KAT6A: variants seen among roughly 807,000 people sequenced by gnomAD.
The protein encoded by KAT6A is histone acetyltransferase KAT6A.
In KAT6A, 9 loss-of-function variants were observed where a neutral mutation model predicts 198.4. The observed-to-expected ratio is 0.05, with a 90% CI of 0.03 to 0.08. The LOEUF (loss-of-function observed/expected upper bound fraction) is 0.08. KAT6A is among the 10% of genes least tolerant of loss of function. KAT6A has a pLI of 1.00. For synonymous variants in KAT6A, 890 were observed against 883.0 expected (o/e 1.01, Z -0.14); for missense variants, 2,077 against 2,509.9 (o/e 0.83, Z 3.69).
chr8:42,031,046 G>GA (rs1417690183), intron 2 of KAT6A, among the ~76,000 whole-genome samples: 1 of 131,532 alleles, frequency 7.6e-6, no homozygotes, highest in Non-Finnish European at 1.6e-5. Flanking sequence ...AAAGGGGGGG[G>GA]GGACAGGAGA....
chr8:41,941,046 C>T lies in KAT6A; in HGVS notation c.2835G>A (p.Glu945=), dbSNP rs752022353. ...TTTTCTTGAGCTGTCCTCGCCAGGG[C>T]TCAACCCCCTCACTGAGTCTTCTCT... The part of the protein sequence containing the change: ...LPKRRLSEGV[E]PWRGQLKKSP... The change falls in exon 15 of 17, where the codon GAG becomes GAA. Residue 945 remains glutamate, a synonymous_variant. Transcript: ENST00000265713. The T allele has an allele frequency of 3.1e-6, 5 of 1,614,188 alleles. No homozygotes were observed. Among genetic ancestry groups the T allele is most frequent in the Middle Eastern group, 1.6e-4 (1 of 6,062 alleles).
Position 41,933,193 on chromosome 8 carries a change from T to G in KAT6A, c.5027A>C (p.Gln1676Pro), listed in dbSNP as rs1169193672. ...PQPAPQPPPPQQQPQQQPQPQ... is the reference protein window; with the variant it reads ...PQPAPQPPPPPQQPQQQPQPQ... Reference sequence around the variant, plus strand: ...CTGCGGCTGCTGTTGCGGCTGCTGCTGGGGTGGTGGAGGCTGTGGTGCTGG... The same window carrying G: ...CTGCGGCTGCTGTTGCGGCTGCTGCGGGGGTGGTGGAGGCTGTGGTGCTGG... The change falls in exon 17 of 17, where the codon CAG (glutamine) becomes CCG (proline). Residue 1676 changes from glutamine to proline, a missense_variant. Transcript: ENST00000265713. This position sits in a 1 kb window ranked among gnomAD's most constrained non-coding sequence, Gnocchi z 6.2. The G allele has an allele frequency of 6.3e-7, 1 of 1,584,552 alleles. No homozygotes were observed. Among genetic ancestry groups the G allele is most frequent in the Non-Finnish European group, 8.6e-7 (1 of 1,168,468 alleles).
chr8:41,977,516 C>T (rs1824121420), intron 6 of KAT6A, 189 bp from the exon 7 acceptor site: 2 of 478,636 alleles, frequency 4.2e-6, no homozygotes, highest in African/African-American at 3.9e-5. Flanking sequence ...ACATCTATTG[C>T]CAGGAAGCCT....
At position 42,048,741 on chromosome 8, in the gene KAT6A, T is replaced by C; in HGVS notation, c.237A>G (p.Arg79=). ...NSYKDPDNPG[R]IALPKPRNHG... is the part of the protein sequence containing the mutation. ...GGTTCCGAGGCTTAGGAAGTGCTAT[T>C]CGCCCAGGATTATCAGGATCTTTAT... is the stretch of plus-strand genomic sequence containing the variant. Residue 79 remains arginine (R), a synonymous_variant, in exon 2 of 17, where the codon CGA becomes CGG. Transcript: ENST00000265713. The C allele has an allele frequency of 6.2e-7, 1 of 1,614,270 alleles. No homozygotes were observed. Among genetic ancestry groups the C allele is most frequent in the Non-Finnish European group, 8.5e-7 (1 of 1,180,054 alleles).
chr8:42,009,902 AAAAAAAAAAAAAC>A (rs903744915), intron 2 of KAT6A, among the ~76,000 whole-genome samples: 2 of 143,812 alleles, frequency 1.4e-5, no homozygotes, highest in South Asian at 2.1e-4. Flanking sequence ...CTCAAAAAAA[AAAAAAAAAAAAAC>A]AAAAAAAAAC....
intron 8 of KAT6A, among the ~76,000 whole-genome samples, chr8:41,965,933 C>T (rs1341532122): frequency 3.9e-5 from 6 of 152,118 alleles, no homozygotes; most frequent in African/African-American, 1.4e-4. Flanking sequence ...AAATATAAGT[C>T]ACATATTAAA....
intron 3 of KAT6A, among the ~76,000 whole-genome samples, chr8:41,987,003 A>C (rs1012529858): frequency 6.6e-6 from 1 of 152,108 alleles, no homozygotes; most frequent in Admixed American, 6.6e-5. Context: ...ACGCCACTAC[A>C]CTCCAGCCTG....
At chr8:41,970,824 A>G (rs1206843264) in intron 8 of KAT6A, among the ~76,000 whole-genome samples, 12 of 152,234 alleles carry the variant, frequency 7.9e-5, no homozygotes, top group Admixed American at 7.2e-4. Context: ...AACCAACCCA[A>G]ATGTCCAGAA....
At chr8:41,983,970 TAA>T (rs1328725511) in intron 3 of KAT6A, among the ~76,000 whole-genome samples, 1 of 152,280 alleles carries the variant, frequency 6.6e-6, no homozygotes, top group Non-Finnish European at 1.5e-5. Context: ...CTTAGAAATG[TAA>T]ACATGTTCTT....
At chr8:41,971,097 T>C (rs557985045) in intron 8 of KAT6A, among the ~76,000 whole-genome samples, 133 of 151,612 alleles carry the variant, frequency 8.8e-4, no homozygotes, top group Non-Finnish European at 1.5e-3. Context: ...GGGGGAGGGA[T>C]AGCATTAGGA....
At chr8:42,048,261 G>A in intron 2 of KAT6A, 117 bp downstream of exon 2, 1 of 1,026,224 alleles carries the variant, frequency 9.7e-7, no homozygotes, top group Non-Finnish European at 1.4e-6. Flanking sequence ...AAAACCAGAG[G>A]TGATCACTCC....
intron 2 of KAT6A, among the ~76,000 whole-genome samples, chr8:42,001,123 G>A (rs1237887215): frequency 6.6e-6 from 1 of 152,048 alleles, no homozygotes; most frequent in Admixed American, 6.6e-5. Flanking sequence ...TTTAAACTTG[G>A]ATATTTAAAA....
At chr8:41,942,250 C>T (rs1201872748) in intron 14 of KAT6A, 3 of 220,280 alleles carry the variant, frequency 1.4e-5, no homozygotes, top group Non-Finnish European at 2.7e-5. Flanking sequence ...AGAAAACATA[C>T]ACAAGTTTAC....
chr8:41,941,067 T>C lies in KAT6A; in HGVS notation c.2814A>G (p.Arg938=). The change falls in exon 15 of 17, where the codon AGA becomes AGG. Residue 938 remains arginine (R), a synonymous_variant. Transcript: ENST00000265713. The part of the protein sequence containing the change: ...SQDGKPDLPK[R]RLSEGVEPWR... ...AGGGCTCAACCCCCTCACTGAGTCT[T>C]CTCTTGGGAAGGTCAGGTTTCCCGT... 1 of 1,614,172 alleles carries C rather than the reference T, an allele frequency of 6.2e-7. No homozygotes were observed. Among genetic ancestry groups the C allele is most frequent in the Non-Finnish European group, 8.5e-7 (1 of 1,180,034 alleles).
rs974705983 is a variant in KAT6A, at chr8:41,974,847, T to C, written c.1364-25A>G. 7.6e-6 allele frequency: 11 copies of C among 1,453,038 alleles called. No individual in the cohort carries two copies. In the African/African-American group the frequency reaches 1.6e-4, roughly 21 times the overall value. 90.0% of individuals were successfully genotyped at this position (1,453,038 alleles called of 1,614,324 possible). A position where few individuals can be genotyped will look rare whatever the true frequency, so the allele number is the denominator to read the frequency against. On this transcript the variant is annotated intron_variant, in intron 7 of 16. Transcript: ENST00000265713. ...TCTACATATAAAAAAAGAGCTCACA[T>C]GTTAACTGTCCCCAGATTAATACAT...
At chr8:41,938,954 GAAA>G (rs894664976) in intron 15 of KAT6A, among the ~76,000 whole-genome samples, 1 of 75,756 alleles carries the variant, frequency 1.3e-5, no homozygotes, top group Non-Finnish European at 2.6e-5. Flanking sequence ...TCTGGGGAAG[GAAA>G]AAAAAAAAAA....
chr8:42,014,342 G>T (rs1431378718), intron 2 of KAT6A, among the ~76,000 whole-genome samples: 1 of 152,068 alleles, frequency 6.6e-6, no homozygotes. Flanking sequence ...GAATTTCTGG[G>T]CCATACTCTG....
rs1419409806 is a variant in KAT6A at position 42,051,699 on chromosome 8, G to C, written c.-326+202C>G. Among the ~76,000 whole-genome samples, 3 of 145,482 alleles carry C rather than the reference G, an allele frequency of 2.1e-5. No homozygotes were observed. In the East Asian group the frequency reaches 6.0e-4, roughly 29 times the overall value. On this transcript the variant is annotated intron_variant, in intron 1 of 16. Transcript: ENST00000265713. ...CCGGGCGCCGAACAAGCGAGCAAGC[G>C]AGCGAGCGAGCGGGCGGGCGCGAGG...
intron 2 of KAT6A, among the ~76,000 whole-genome samples, chr8:41,989,300 G>C (rs2150894626): frequency 6.6e-6 from 1 of 152,262 alleles, no homozygotes; most frequent in Admixed American, 6.5e-5. Flanking sequence ...CCTGAGGTCA[G>C]GAGTTTGAGA....
Sources: gnomAD v4.1 joint callset for allele counts (sites outside exome capture counted in the v4.1 genomes callset) on GRCh38, gnomAD v4.1.1 for gene constraint, Gnocchi (gnomAD v3.1) non-coding constraint, MANE v1.5 for transcripts, NCBI Gene and HGNC (gene_info 2026-07-23, HGNC 2026-07-21) for gene names.